The following CTNNA3 variants were observed in gnomAD, a reference collection of about 807,000 sequenced individuals.
The protein encoded by CTNNA3 is catenin alpha 3, also known as catenin alpha-3.
Under a neutral mutation model 95.7 loss-of-function variants are expected in CTNNA3, and 76 were observed. The observed-to-expected ratio is 0.79, with a 90% CI of 0.66 to 0.96. The LOEUF (loss-of-function observed/expected upper bound fraction) is 0.96. Ranked by LOEUF, CTNNA3 falls within the 40% of genes least tolerant of loss-of-function variation. The probability of loss-of-function intolerance (pLI) is 0.00; values close to 1 mark genes in which losing one functional copy is unlikely to be tolerated. For synonymous variants in CTNNA3, 431 were observed against 374.4 expected, an observed-to-expected ratio of 1.15 and a Z score of -1.74; for missense variants, 1,191 against 1,089.8, an observed-to-expected ratio of 1.09 and a Z score of -1.31.
At chr10:66,649,674 G>A (rs1205705243) in intron 9 of CTNNA3, among the ~76,000 whole-genome samples, 2 of 152,176 alleles carry the variant, frequency 1.3e-5, no homozygotes, top group Non-Finnish European at 2.9e-5. Context: ...ACAGCCCTGG[G>A]ATCCATGCCT....
intron 13 of CTNNA3, among the ~76,000 whole-genome samples, chr10:66,171,865 T>TA (rs909673637): frequency 3.3e-5 from 5 of 152,032 alleles, no homozygotes; most frequent in East Asian, 1.9e-4. Flanking sequence ...CAAAAAAAAT[T>TA]AAAAAAAATC....
intron 1 of CTNNA3, among the ~76,000 whole-genome samples, chr10:67,755,153 A>C (rs1841426146): frequency 6.6e-6 from 1 of 151,900 alleles, no homozygotes; most frequent in Non-Finnish European, 1.5e-5. Flanking sequence ...TGATCACTCC[A>C]CTGCACTCCA....
intron 2 of CTNNA3, among the ~76,000 whole-genome samples, chr10:67,645,037 T>A (rs1839661883): frequency 1.3e-5 from 2 of 152,184 alleles, no homozygotes; most frequent in Non-Finnish European, 2.9e-5. Flanking sequence ...CCTCTAAAAC[T>A]AGTATAATCA....
intron 3 of CTNNA3, among the ~76,000 whole-genome samples, chr10:67,570,241 G>A (rs928512905): frequency 1.1e-4 from 16 of 151,726 alleles, no homozygotes; most frequent in Middle Eastern, 3.4e-3. Context: ...TCCCCACATC[G>A]TCTTTCTCTT....
chr10:66,417,930 A>G (rs1281778715), intron 11 of CTNNA3, among the ~76,000 whole-genome samples: 1 of 151,920 alleles, frequency 6.6e-6, no homozygotes, highest in East Asian at 1.9e-4. Context: ...ACAAGTAAAT[A>G]ATCTAACAAT....
At chr10:66,106,368 T>A (rs2081912657) in intron 13 of CTNNA3, among the ~76,000 whole-genome samples, 1 of 151,312 alleles carries the variant, frequency 6.6e-6, no homozygotes, top group Admixed American at 6.6e-5. Flanking sequence ...TGTGTGTGTG[T>A]GTGTGTGTGT....
At chr10:66,820,322 G>A (rs1024118363) in intron 7 of CTNNA3, among the ~76,000 whole-genome samples, 2 of 152,054 alleles carry the variant, frequency 1.3e-5, no homozygotes, top group East Asian at 1.9e-4. Context: ...GCTGCTGGGG[G>A]TGAGGGTAAG....
intron 5 of CTNNA3, among the ~76,000 whole-genome samples, chr10:67,229,155 T>C (rs1454581193): frequency 1.3e-5 from 2 of 152,304 alleles, no homozygotes; most frequent in African/African-American, 2.4e-5. Context: ...GATGCAGGGA[T>C]GGTTTAACAT....
intron 13 of CTNNA3, among the ~76,000 whole-genome samples, chr10:66,268,873 T>C (rs560019275): frequency 6.6e-6 from 1 of 152,290 alleles, no homozygotes; most frequent in East Asian, 1.9e-4. Flanking sequence ...CTTATACAGA[T>C]GGCAAAATCA....
At chr10:67,523,978 G>A (rs753345273) in intron 4 of CTNNA3, among the ~76,000 whole-genome samples, 2 of 152,124 alleles carry the variant, frequency 1.3e-5, no homozygotes, top group African/African-American at 4.8e-5. Context: ...TCTAAAGCAT[G>A]TTTTAGCCCC....
intron 9 of CTNNA3, among the ~76,000 whole-genome samples, chr10:66,750,973 T>C (rs1839109204): frequency 6.6e-6 from 1 of 152,276 alleles, no homozygotes; most frequent in South Asian, 2.1e-4. Context: ...AATATGTTTT[T>C]AATTTAAAAT....
chr10:67,089,512 T>G (rs1353165334), intron 7 of CTNNA3, among the ~76,000 whole-genome samples: 1 of 152,026 alleles, frequency 6.6e-6, no homozygotes, highest in African/African-American at 2.4e-5. Context: ...TAAATCAGTT[T>G]CAAAGTAAAG....
chr10:67,436,843 G>A (rs1003898224), intron 5 of CTNNA3, among the ~76,000 whole-genome samples: 4 of 152,090 alleles, frequency 2.6e-5, no homozygotes, highest in Admixed American at 6.5e-5. Context: ...GCATGGATGC[G>A]GTGATCAGGG....
intron 9 of CTNNA3, among the ~76,000 whole-genome samples, chr10:66,706,515 C>A (rs930676940): frequency 1.1e-4 from 16 of 151,778 alleles, no homozygotes; most frequent in Non-Finnish European, 2.1e-4. Flanking sequence ...TACATAAACA[C>A]ACCAAACAGC....
At chr10:67,651,554 T>C (rs935077296) in intron 1 of CTNNA3, among the ~76,000 whole-genome samples, 1 of 152,228 alleles carries the variant, frequency 6.6e-6, no homozygotes, top group African/African-American at 2.4e-5. Flanking sequence ...ACATAAAACC[T>C]AATTTTGATA....
At chr10:66,755,198 C>T (rs1185718459) in intron 9 of CTNNA3, among the ~76,000 whole-genome samples, 1 of 152,088 alleles carries the variant, frequency 6.6e-6, no homozygotes, top group Non-Finnish European at 1.5e-5. Flanking sequence ...AAGTGAAAAA[C>T]AAGTCATAAA....
intron 11 of CTNNA3, among the ~76,000 whole-genome samples, chr10:66,461,535 C>A (rs191419577): frequency 1.3e-5 from 2 of 151,876 alleles, no homozygotes; most frequent in Admixed American, 6.6e-5. Flanking sequence ...TCCATCCCTG[C>A]TTCTTGGGTA....
At chr10:67,217,752 G>C (rs1864449362) in intron 6 of CTNNA3, among the ~76,000 whole-genome samples, 1 of 152,124 alleles carries the variant, frequency 6.6e-6, no homozygotes, top group Non-Finnish European at 1.5e-5. Flanking sequence ...ATAAACTGGA[G>C]CTCTTATGGG....
chr10:66,337,427 C>T (rs931514273), intron 12 of CTNNA3, among the ~76,000 whole-genome samples: 1 of 152,058 alleles, frequency 6.6e-6, no homozygotes, highest in Admixed American at 6.6e-5. Flanking sequence ...CACATTACAT[C>T]ATTTAATCCT....
Sources: allele counts gnomAD v4.1 joint callset (sites outside exome capture counted in the v4.1 genomes callset), GRCh38; gene constraint gnomAD v4.1.1; transcripts MANE v1.5; gene names NCBI Gene and HGNC (gene_info 2026-07-23, HGNC 2026-07-21).